HEATR6: variants seen among roughly 807,000 people sequenced by gnomAD.
The protein encoded by HEATR6 is HEAT repeat containing 6.
In HEATR6, 106 loss-of-function variants were observed where a neutral mutation model predicts 132.8. That is an observed-to-expected ratio of 0.80 (90% CI 0.68 to 0.94). The LOEUF (loss-of-function observed/expected upper bound fraction) is 0.94, where lower values mean the gene tolerates loss of function less well. Ranked by LOEUF, HEATR6 falls within the 40% of genes least tolerant of loss-of-function variation. HEATR6 has a pLI of 0.00. For synonymous variants in HEATR6, 529 were observed against 537.8 expected (o/e 0.98, Z 0.23); for missense variants, 1,339 against 1,425.1 (o/e 0.94, Z 0.97).
At chr17:60,076,447 T>C (rs1271351203) in intron 1 of HEATR6, 6 of 486,644 alleles carry the variant, frequency 1.2e-5, no homozygotes, top group Non-Finnish European at 2.2e-5. Flanking sequence ...TCACACCTAA[T>C]CCCAGTTCTT....
At chr17:60,058,728 C>A (rs1020122568) in intron 11 of HEATR6, among the ~76,000 whole-genome samples, 2 of 152,144 alleles carry the variant, frequency 1.3e-5, no homozygotes, top group Non-Finnish European at 2.9e-5. Flanking sequence ...GGGATCCAGA[C>A]CCTTGGATTG....
intron 5 of HEATR6, among the ~76,000 whole-genome samples, chr17:60,071,486 A>G (rs1233764178): frequency 6.6e-6 from 1 of 152,230 alleles, no homozygotes; most frequent in African/African-American, 2.4e-5. Context: ...TATACTTCTC[A>G]TAAGAACCCC....
intron 14 of HEATR6, among the ~76,000 whole-genome samples, chr17:60,054,973 A>G (rs1305967574): frequency 2.6e-5 from 4 of 152,086 alleles, no homozygotes; most frequent in Non-Finnish European, 5.9e-5. Flanking sequence ...CCTAATAGGA[A>G]GTGTTTGGGT....
intron 12 of HEATR6, 133 bp downstream of exon 12, chr17:60,056,915 C>T: frequency 3.2e-6 from 2 of 620,012 alleles, no homozygotes; most frequent in South Asian, 2.3e-5. Context: ...AACAATACAC[C>T]ACCCATACCT....
In HEATR6 at chr17:60,054,297, C is replaced by T. The variant is rs75714635; in HGVS notation, c.2289+1218G>A. 2.9e-3 allele frequency among the ~76,000 whole-genome samples: 436 copies of T among 152,374 alleles called. 1 individual carries two copies. The highest frequency in any genetic ancestry group is 4.9e-3 in the Non-Finnish European group (334 of 68,032). On this transcript the variant is annotated intron_variant, in intron 14 of 19. Transcript: ENST00000184956. ...TGCGAAGAAGGCTTGGGAGCTTCCA[C>T]CTAGATTTCAGAGGATTCCCTAAGC...
rs757281767 is a variant in HEATR6 at position 60,067,742 on chromosome 17, G to C, written c.940-10C>G. On this transcript the variant is annotated splice_polypyrimidine_tract_variant and intron_variant, in intron 7 of 19. Coordinates refer to ENST00000184956, the MANE Select transcript of HEATR6 (RefSeq NM_022070.5). ...ATTTTTTCTTTTTATTCTGATTGTG[G>C]GAGCAAATGAAGACATATATAATAA... The C allele has an allele frequency of 1.9e-6, 3 of 1,604,230 alleles. No homozygotes were observed. In the South Asian group the frequency reaches 3.4e-5, roughly 18 times the overall value.
intron 13 of HEATR6, 61 bp downstream of exon 13, chr17:60,056,054 A>T: frequency 6.4e-7 from 1 of 1,557,686 alleles, no homozygotes; most frequent in Non-Finnish European, 8.8e-7. Flanking sequence ...TATAAAGTGA[A>T]GAAAAGGAAG....
chr17:60,055,227 G>A lies in HEATR6; in HGVS notation c.2289+288C>T, dbSNP rs146342418. 3.8e-3 allele frequency among the ~76,000 whole-genome samples: 573 copies of A among 152,244 alleles called. 13 individuals carry two copies. Among genetic ancestry groups the A allele is most frequent in the Non-Finnish European group, 8.2e-4 (56 of 68,032 alleles). On this transcript the variant is annotated intron_variant, in intron 14 of 19. Transcript: ENST00000184956. Reference sequence around the variant, plus strand: ...TTTTGTACAGCCTGCAGAACTGTGAGCCAGATAAACCTCTTTTGCATAAAA... The same window carrying A: ...TTTTGTACAGCCTGCAGAACTGTGAACCAGATAAACCTCTTTTGCATAAAA...
chr17:60,041,060 T>A lies in HEATR6; in HGVS notation c.*2503A>T, dbSNP rs1437844386. Among the ~76,000 whole-genome samples, 1 of 152,246 alleles carries A rather than the reference T, an allele frequency of 6.6e-6. No individual in the cohort carries two copies. Among genetic ancestry groups the A allele is most frequent in the Non-Finnish European group, 1.5e-5 (1 of 68,044 alleles). On this transcript the variant is annotated 3_prime_UTR_variant, in exon 20 of 20. Coordinates refer to ENST00000184956, the MANE Select transcript of HEATR6 (RefSeq NM_022070.5). ...GTTGTCTTTATTGTCAGTGGCTTCC[T>A]TTCCCCACAGCAGCTTTATGGAGGC...
Position 60,049,122 on chromosome 17 carries a change from A to AGTGTGTGTGTGTGT in HEATR6, c.2547+444_2547+457dup, listed in dbSNP as rs531092208. Among the ~76,000 whole-genome samples, 689 of 134,834 alleles carry AGTGTGTGTGTGTGT rather than the reference A, an allele frequency of 5.1e-3. 5 individuals are homozygous for AGTGTGTGTGTGTGT. The highest frequency in any genetic ancestry group is 0.017 in the African/African-American group (608 of 36,158). The allele number at this position is 134,834 out of a possible 152,430, so 88.5% of individuals were successfully genotyped here. A position where few individuals can be genotyped will look rare whatever the true frequency, so the allele number is the denominator to read the frequency against. ...TATGTAGAGAGAGAGAGAGACAGAGAGTGTGTGTGTGTGTGTGTGTGTGTG... is the reference window on the plus strand; with the variant it reads ...TATGTAGAGAGAGAGAGAGACAGAGAGTGTGTGTGTGTGTGTGTGTGTGTGTGTGTGTGTGTGTG... On this transcript the variant is annotated intron_variant, in intron 16 of 19. Coordinates refer to ENST00000184956, the MANE Select transcript of HEATR6 (RefSeq NM_022070.5).
chr17:60,075,088 G>A (rs1055465783), intron 2 of HEATR6, among the ~76,000 whole-genome samples: 2 of 152,174 alleles, frequency 1.3e-5, no homozygotes, highest in African/African-American at 4.8e-5. Context: ...AAGATATTGG[G>A]GAGTCTACTA....
At chr17:60,069,881 C>A (rs756961912) in intron 6 of HEATR6, 33 bp from the exon 7 acceptor site, 4 of 1,603,020 alleles carry the variant, frequency 2.5e-6, no homozygotes, top group Admixed American at 1.7e-5. Flanking sequence ...CACACACACA[C>A]ACGAAACCAA....
At chr17:60,077,247 T>C (rs1053200141) in intron 1 of HEATR6, among the ~76,000 whole-genome samples, 2 of 152,134 alleles carry the variant, frequency 1.3e-5, no homozygotes, top group Non-Finnish European at 2.9e-5. Flanking sequence ...GAATCTGGAA[T>C]GATTTGAAGG....
chr17:60,058,890 G>A (rs770956244), intron 11 of HEATR6, among the ~76,000 whole-genome samples: 4 of 152,186 alleles, frequency 2.6e-5, no homozygotes, highest in African/African-American at 9.7e-5. Context: ...AAAGGCAAGT[G>A]TTTATAGCAC....
intron 18 of HEATR6, among the ~76,000 whole-genome samples, chr17:60,047,067 C>A (rs551156935): frequency 1.3e-5 from 2 of 151,326 alleles, no homozygotes; most frequent in Admixed American, 6.6e-5. Context: ...TAAAAGGAAT[C>A]TGAATATGTC....
At chr17:60,048,199 C>G in intron 17 of HEATR6, 65 bp downstream of exon 17, 1 of 1,543,902 alleles carries the variant, frequency 6.5e-7, no homozygotes, top group Non-Finnish European at 8.9e-7. Context: ...TGGTAGAGAT[C>G]GAGGACATTC....
At chr17:60,056,612 T>C (rs528285355) in intron 12 of HEATR6, among the ~76,000 whole-genome samples, 1 of 152,314 alleles carries the variant, frequency 6.6e-6, no homozygotes, top group South Asian at 2.1e-4. Context: ...CATATTTGTA[T>C]AGAAAAAGTA....
intron 9 of HEATR6, among the ~76,000 whole-genome samples, chr17:60,060,615 G>GA (rs1253171607): frequency 6.6e-6 from 1 of 152,158 alleles, no homozygotes; most frequent in Non-Finnish European, 1.5e-5. Flanking sequence ...CCATGGGGTA[G>GA]AAAAAACACA....
intron 4 of HEATR6, among the ~76,000 whole-genome samples, chr17:60,072,887 A>G (rs943614980): frequency 1.3e-4 from 20 of 152,238 alleles, no homozygotes; most frequent in Non-Finnish European, 1.9e-4. Context: ...TATGCTTAGA[A>G]TTTATATCAA....
Sources: allele counts gnomAD v4.1 joint callset (sites outside exome capture counted in the v4.1 genomes callset), GRCh38; gene constraint gnomAD v4.1.1; transcripts MANE v1.5; gene names NCBI Gene and HGNC (gene_info 2026-07-23, HGNC 2026-07-21).